Variants in CCNF observed in about 807,000 individuals in gnomAD.
CCNF encodes cyclin-F.
Under a neutral mutation model 85.4 loss-of-function variants are expected in CCNF, and 30 were observed. The ratio of observed to expected loss-of-function variants is 0.35; its 90% CI spans 0.26 to 0.48. The LOEUF (loss-of-function observed/expected upper bound fraction) is 0.48. CCNF is among the 20% of genes least tolerant of loss of function. The pLI is 0.99. For missense variants in CCNF, 919 were observed against 1,010.4 expected, an observed-to-expected ratio of 0.91 and a Z score of 1.23; for synonymous variants, 439 against 425.1, an observed-to-expected ratio of 1.03 and a Z score of -0.40.
At chr16:2,441,102 C>T (rs1017330494) in intron 8 of CCNF, among the ~76,000 whole-genome samples, 1 of 152,036 alleles carries the variant, frequency 6.6e-6, no homozygotes, top group African/African-American at 2.4e-5. Context: ...GGCCTGGTGG[C>T]ATGTGCCTAG....
At chr16:2,431,536 C>T (rs975941229) in intron 2 of CCNF, among the ~76,000 whole-genome samples, 4 of 151,728 alleles carry the variant, frequency 2.6e-5, no homozygotes, top group East Asian at 2.0e-4. Flanking sequence ...AAAAATTAGC[C>T]GGGCGTGGTG....
intron 8 of CCNF, among the ~76,000 whole-genome samples, chr16:2,443,011 TTA>T (rs1454110183): frequency 1.7e-5 from 2 of 114,526 alleles, no homozygotes; most frequent in Non-Finnish European, 3.3e-5. Context: ...TATTATATAA[TTA>T]TATTATATGT....
rs192481968 is a variant in CCNF, at chr16:2,456,253, C to T, written c.1886-292C>T. On this transcript the variant is annotated intron_variant, in intron 16 of 16. Transcript: ENST00000397066. The surrounding 1 kb of genome is among the most constrained non-coding windows in gnomAD (Gnocchi z 4.5). ...CCCAGGCAGACTGCGGGGTCCTTGC[C>T]AGAAGCCCAGTTAGTGTGAGTCCTG... 2.7e-6 allele frequency: 1 copy of T among 374,424 alleles called. No individual in the cohort carries two copies. The highest frequency in any genetic ancestry group is 2.1e-5 in the African/African-American group (1 of 48,774). 23.2% of individuals were successfully genotyped at this position (374,424 alleles called of 1,614,324 possible). A position where few individuals can be genotyped will look rare whatever the true frequency, so the allele number is the denominator to read the frequency against.
chr16:2,437,552 C>T, intron 5 of CCNF: 1 of 477,642 alleles, frequency 2.1e-6, no homozygotes, highest in Non-Finnish European at 3.7e-6. Context: ...GTGCTGACAG[C>T]TGGAAACATG....
At position 2,451,537 on chromosome 16, in the gene CCNF, C is replaced by T. The variant is rs1335509709; in HGVS notation, c.1487+1622C>T. 2.0e-5 allele frequency among the ~76,000 whole-genome samples: 3 copies of T among 152,212 alleles called. No homozygotes were observed. The highest frequency in any genetic ancestry group is 4.4e-5 in the Non-Finnish European group (3 of 68,040). Reference sequence around the variant, plus strand: ...CTGCCATGGCTTCCTTTTCCTCAGCCAAATCCAGCAGACTCAGCGGTGTGG... The same window carrying T: ...CTGCCATGGCTTCCTTTTCCTCAGCTAAATCCAGCAGACTCAGCGGTGTGG... On this transcript the variant is annotated intron_variant, in intron 13 of 16. Coordinates refer to ENST00000397066, the MANE Select transcript of CCNF (RefSeq NM_001761.3). The surrounding 1 kb of genome is among the most constrained non-coding windows in gnomAD (Gnocchi z 4.3).
At chr16:2,435,262 G>A (rs4534842) in intron 3 of CCNF, among the ~76,000 whole-genome samples, 101,887 of 135,640 alleles carry the variant, frequency 0.75, 39,155 homozygotes, top group African/African-American at 0.92. Flanking sequence ...AAAAAAAAAA[G>A]AAAAGAAAAG....
At chr16:2,432,895 G>C in intron 2 of CCNF, 66 bp from the exon 3 acceptor site, 1 of 933,044 alleles carries the variant, frequency 1.1e-6, no homozygotes, top group Admixed American at 2.1e-5. Context: ...GTCCTCAAGA[G>C]CCTCCAGGTG....
rs115100621 is a variant in CCNF, at chr16:2,456,861, G to A, written c.2202G>A (p.Ser734=). ...CAGTGCTGTCCCTGGACAGTGACTC[G>A]CACACACAGCCCTGCCACCATCAGG... The part of the protein sequence containing the change: ...PTSVLSLDSD[S]HTQPCHHQAR... The change falls in exon 17 of 17, where the codon TCG becomes TCA. Residue 734 remains serine (S), a synonymous_variant. Transcript: ENST00000397066. This position sits in a 1 kb window ranked among gnomAD's most constrained non-coding sequence, Gnocchi z 4.5. 1.9e-3 allele frequency: 3,115 copies of A among 1,614,040 alleles called. 24 individuals carry two copies. Among genetic ancestry groups the A allele is most frequent in the African/African-American group, 0.016 (1,201 of 75,034 alleles).
intron 5 of CCNF, 74 bp downstream of exon 5, chr16:2,437,396 G>A (rs2065297324): frequency 2.5e-6 from 3 of 1,178,442 alleles, no homozygotes; most frequent in African/African-American, 1.5e-5. Flanking sequence ...CCCGAGGGTA[G>A]ATCCTGGACC....
chr16:2,439,007 A>G (rs1447278479), intron 6 of CCNF, among the ~76,000 whole-genome samples: 1 of 151,710 alleles, frequency 6.6e-6, no homozygotes, highest in African/African-American at 2.4e-5. Context: ...CAACAACAAC[A>G]AAAAAACCAG....
In CCNF at chr16:2,456,689, T is replaced by G. The variant is rs751060943; in HGVS notation, c.2030T>G (p.Ile677Ser). 1.2e-6 allele frequency: 2 copies of G among 1,613,466 alleles called. No individual in the cohort carries two copies. Among genetic ancestry groups the G allele is most frequent in the South Asian group, 2.2e-5 (2 of 91,064 alleles). Residue 677 changes from isoleucine (I) to serine (S), a missense_variant, in exon 17 of 17, where the codon ATC becomes AGC. Physicochemically the swap from Ile to Ser is moderately radical, Grantham distance 142 (BLOSUM62 -2). Around this residue, in one of 3 missense-constraint regions of CCNF, gnomAD observed 505 missense variants for 514.8 expected, o/e 0.98. Transcript: ENST00000397066. This position sits in a 1 kb window ranked among gnomAD's most constrained non-coding sequence, Gnocchi z 4.5. The part of the protein sequence containing the change: ...DPQALALDTQ[I>S]PATPGPKPLV... ...CAGGCACTGGCGCTGGACACCCAGATCCCTGCAACCCCTGGACCCAAACCC... is the reference window on the plus strand; with the variant it reads ...CAGGCACTGGCGCTGGACACCCAGAGCCCTGCAACCCCTGGACCCAAACCC...
At position 2,455,446 on chromosome 16, in the gene CCNF, C is replaced by G. The variant is rs781781103; in HGVS notation, c.1767C>G (p.Pro589=). 9.4e-6 allele frequency: 15 copies of G among 1,598,346 alleles called. No homozygotes were observed. Among genetic ancestry groups the G allele is most frequent in the Middle Eastern group, 1.7e-4 (1 of 6,042 alleles). The change falls in exon 16 of 17, where the codon CCC becomes CCG. Residue 589 remains proline (P), a synonymous_variant. Coordinates refer to ENST00000397066, the MANE Select transcript of CCNF (RefSeq NM_001761.3). The part of the protein sequence containing the change: ...QEDRGSFVTT[P]TAELSSQEET... Reference sequence around the variant, plus strand: ...ACAGAGGCAGCTTCGTTACCACCCCCACTGCGGAGCTGTCCAGCCAGGAGG... The same window carrying G: ...ACAGAGGCAGCTTCGTTACCACCCCGACTGCGGAGCTGTCCAGCCAGGAGG...
chr16:2,449,134 G>A (rs776942468), intron 11 of CCNF, 148 bp from the exon 12 acceptor site: 4 of 1,413,512 alleles, frequency 2.8e-6, no homozygotes, highest in Non-Finnish European at 4.0e-6. Flanking sequence ...GGCCACGGTT[G>A]CACCACGTCG....
intron 10 of CCNF, among the ~76,000 whole-genome samples, chr16:2,446,502 C>G (rs1173778245): frequency 6.6e-6 from 1 of 152,224 alleles, no homozygotes; most frequent in Non-Finnish European, 1.5e-5. Flanking sequence ...GCTGGATCCC[C>G]TAGTTCCGCC....
chr16:2,435,575 A>T (rs1297632003), intron 3 of CCNF, among the ~76,000 whole-genome samples: 1 of 150,782 alleles, frequency 6.6e-6, no homozygotes, highest in East Asian at 1.9e-4. Flanking sequence ...ACAGAGCAAG[A>T]CCCTGTCTCA....
chr16:2,439,446 A>G lies in CCNF; in HGVS notation c.688A>G (p.Arg230Gly). ...CTCCTACCTCCTCTGGGAAAGCGAC[A>G]GGAGGACAGATGTGAGTGGTGCCTG... is the stretch of plus-strand genomic sequence containing the variant. ...TSSYLLWESDRRTDVSDPGRC... is the reference protein window; with the variant it reads ...TSSYLLWESDGRTDVSDPGRC... Residue 230 changes from arginine (R) to glycine (G), a missense_variant, in exon 7 of 17, where the codon AGG becomes GGG. Arg to Gly is a moderately radical substitution (Grantham distance 125). This residue lies in a region of CCNF where 410 missense variants were observed against 478.6 expected (regional missense o/e 0.86). Transcript: ENST00000397066. 6.2e-7 allele frequency: 1 copy of G among 1,609,100 alleles called. No individual in the cohort carries two copies. The highest frequency in any genetic ancestry group is 1.3e-5 in the African/African-American group (1 of 74,976).
chr16:2,443,162 TATATAATATATATATA>T (rs2065342007), intron 8 of CCNF, among the ~76,000 whole-genome samples: 1 of 9,676 alleles, frequency 1.0e-4, no homozygotes, highest in African/African-American at 4.1e-3. Flanking sequence ...ATATATATTA[TATATAATATATATATA>T]ATATATAATA....
chr16:2,434,608 C>T (rs939551885), intron 3 of CCNF, among the ~76,000 whole-genome samples: 1 of 152,214 alleles, frequency 6.6e-6, no homozygotes, highest in Non-Finnish European at 1.5e-5. Context: ...GAGACTCCGT[C>T]TCAAAATAAA....
rs530265024 is a variant in CCNF at position 2,434,972 on chromosome 16, C to T, written c.279-834C>T. On this transcript the variant is annotated intron_variant, in intron 3 of 16. Coordinates refer to ENST00000397066, the MANE Select transcript of CCNF (RefSeq NM_001761.3). ...TGATTACATGTTATTAAGAAATGTT[C>T]GACCGAGCGTGGTGGCTCACGCTTG... Among the ~76,000 whole-genome samples the T allele has an allele frequency of 7.2e-5, 11 of 152,096 alleles. No individual in the cohort carries two copies. In the East Asian group the frequency reaches 1.2e-3, roughly 16 times the overall value.
Sources: allele counts gnomAD v4.1 joint callset (sites outside exome capture counted in the v4.1 genomes callset), GRCh38; gene constraint gnomAD v4.1.1; regional missense constraint gnomAD v4.1.1; non-coding constraint Gnocchi (gnomAD v3.1); transcripts MANE v1.5; gene names NCBI Gene and HGNC (gene_info 2026-07-23, HGNC 2026-07-21).